LRRC1: variants seen among roughly 807,000 people sequenced by gnomAD.
LRRC1 encodes leucine-rich repeat-containing protein 1.
In LRRC1, 28 loss-of-function variants were observed where a neutral mutation model predicts 69.9. The ratio of observed to expected loss-of-function variants is 0.40; its 90% CI spans 0.30 to 0.55. The LOEUF (loss-of-function observed/expected upper bound fraction) is 0.55, where lower values mean the gene tolerates loss of function less well. Ranked by LOEUF, LRRC1 falls within the 20% of genes least tolerant of loss-of-function variation. The probability of loss-of-function intolerance (pLI) is 0.47; values close to 1 mark genes in which losing one functional copy is unlikely to be tolerated. For synonymous variants in LRRC1, 236 were observed against 240.2 expected, an observed-to-expected ratio of 0.98 and a Z score of 0.16; for missense variants, 498 against 609.0, an observed-to-expected ratio of 0.82 and a Z score of 1.92.
chr6:53,846,494 T>C (rs568320253), intron 2 of LRRC1, among the ~76,000 whole-genome samples: 5 of 152,312 alleles, frequency 3.3e-5, no homozygotes, highest in South Asian at 2.1e-4. Flanking sequence ...CGCTGGGCCT[T>C]CTTTTGCGGA....
In LRRC1 at chr6:53,809,013, C is replaced by T. The variant is rs150552737; in HGVS notation, c.159+13598C>T. ...CTACTTTCAGGATGTAACTTAACAG[C>T]TGAATCCTTATATACATACTTAAAG... On this transcript the variant is annotated intron_variant, in intron 1 of 13. Coordinates refer to ENST00000370888, the MANE Select transcript of LRRC1 (RefSeq NM_018214.5). 2.9e-4 allele frequency among the ~76,000 whole-genome samples: 44 copies of T among 152,282 alleles called. No individual in the cohort carries two copies. The East Asian group carries it at 7.9e-3, about 27-fold the overall frequency.
chr6:53,890,348 G>T (rs1562061744), intron 4 of LRRC1, among the ~76,000 whole-genome samples: 1 of 152,170 alleles, frequency 6.6e-6, no homozygotes, highest in Non-Finnish European at 1.5e-5. Context: ...ATTATTACAA[G>T]TTGCTGATAG....
At chr6:53,816,569 A>G (rs1255596594) in intron 1 of LRRC1, among the ~76,000 whole-genome samples, 1 of 152,174 alleles carries the variant, frequency 6.6e-6, no homozygotes, top group African/African-American at 2.4e-5. Flanking sequence ...AGTTACCCAA[A>G]TCAAAACAGG....
Position 53,902,614 on chromosome 6 carries a change from A to G in LRRC1, c.788-15A>G. ...ACTAATGAATTTGATAATAATAATCATAATGCTTTTACAGGAAAACTAAAG... is the reference window on the plus strand; with the variant it reads ...ACTAATGAATTTGATAATAATAATCGTAATGCTTTTACAGGAAAACTAAAG... On this transcript the variant is annotated splice_polypyrimidine_tract_variant and intron_variant, in intron 8 of 13. Coordinates refer to ENST00000370888, the MANE Select transcript of LRRC1 (RefSeq NM_018214.5). 1 of 1,448,318 alleles carries G rather than the reference A, an allele frequency of 6.9e-7. No individual in the cohort carries two copies. The highest frequency in any genetic ancestry group is 1.3e-5 in the South Asian group (1 of 79,108). The allele number at this position is 1,448,318 out of a possible 1,614,324, so 89.7% of individuals were successfully genotyped here.
chr6:53,882,280 G>A (rs921205475), intron 3 of LRRC1, among the ~76,000 whole-genome samples: 20 of 152,290 alleles, frequency 1.3e-4, no homozygotes, highest in Middle Eastern at 6.8e-3. Context: ...CCCGGGAGGC[G>A]GAGGTTGCGG....
intron 2 of LRRC1, among the ~76,000 whole-genome samples, chr6:53,866,673 C>T (rs958376451): frequency 6.6e-6 from 1 of 152,070 alleles, no homozygotes; most frequent in Non-Finnish European, 1.5e-5. Flanking sequence ...ATTAGTGCTA[C>T]ATTAAGTAAG....
chr6:53,922,951 A>T lies in LRRC1; in HGVS notation c.*158A>T. ...GCTGCTGTCTCCCAGGAAGTGCCTT[A>T]CTCATCCCGCAACCAGTCAGCGCAC... On this transcript the variant is annotated 3_prime_UTR_variant, in exon 14 of 14. Coordinates refer to ENST00000370888, the MANE Select transcript of LRRC1 (RefSeq NM_018214.5). 1.6e-6 allele frequency: 1 copy of T among 618,310 alleles called. No homozygotes were observed. Among genetic ancestry groups the T allele is most frequent in the Non-Finnish European group, 2.8e-6 (1 of 362,998 alleles). 38.3% of individuals were successfully genotyped at this position (618,310 alleles called of 1,614,324 possible).
intron 2 of LRRC1, among the ~76,000 whole-genome samples, chr6:53,855,504 C>T (rs941265025): frequency 4.6e-5 from 7 of 152,190 alleles, no homozygotes; most frequent in Non-Finnish European, 1.0e-4. Flanking sequence ...TGAAGTCTCT[C>T]TGCAGAGGCC....
At chr6:53,915,728 C>T (rs976412713) in intron 11 of LRRC1, among the ~76,000 whole-genome samples, 16 of 152,144 alleles carry the variant, frequency 1.1e-4, no homozygotes, top group Non-Finnish European at 2.2e-4. Flanking sequence ...ATTAAAAAGT[C>T]GAGTTACATA....
At chr6:53,869,378 A>C (rs1766808313) in intron 2 of LRRC1, among the ~76,000 whole-genome samples, 1 of 151,644 alleles carries the variant, frequency 6.6e-6, no homozygotes, top group Non-Finnish European at 1.5e-5. Context: ...CATTGAGAAG[A>C]TTTTTTTTTC....
chr6:53,864,547 C>T (rs1766634958), intron 2 of LRRC1, among the ~76,000 whole-genome samples: 1 of 152,184 alleles, frequency 6.6e-6, no homozygotes, highest in African/African-American at 2.4e-5. Context: ...TTTCACATGT[C>T]AGCAGAATGA....
intron 1 of LRRC1, among the ~76,000 whole-genome samples, chr6:53,819,388 TAAAG>T (rs1300939947): frequency 6.6e-6 from 1 of 152,122 alleles, no homozygotes; most frequent in Non-Finnish European, 1.5e-5. Flanking sequence ...GAAAAGTACT[TAAAG>T]AAGACGTTAT....
intron 4 of LRRC1, among the ~76,000 whole-genome samples, chr6:53,883,207 C>T (rs1394651860): frequency 2.6e-5 from 4 of 152,086 alleles, no homozygotes; most frequent in Non-Finnish European, 5.9e-5. Flanking sequence ...AGTAAAAACC[C>T]TAAATTGTTT....
At chr6:53,887,380 T>C (rs1329296521) in intron 4 of LRRC1, among the ~76,000 whole-genome samples, 1 of 152,212 alleles carries the variant, frequency 6.6e-6, no homozygotes, top group African/African-American at 2.4e-5. Flanking sequence ...TTTTCCTGCC[T>C]TTGTTGCCAG....
At chr6:53,800,981 TTGA>T (rs1371509852) in intron 1 of LRRC1, among the ~76,000 whole-genome samples, 2 of 152,336 alleles carry the variant, frequency 1.3e-5, no homozygotes, top group East Asian at 3.9e-4. Context: ...CTGTGACATC[TTGA>T]TGACCTTATA....
intron 2 of LRRC1, among the ~76,000 whole-genome samples, chr6:53,844,959 C>G (rs954982652): frequency 6.6e-6 from 1 of 152,176 alleles, no homozygotes; most frequent in African/African-American, 2.4e-5. Flanking sequence ...AATCCCGGCA[C>G]TTTGGGAGGC....
At chr6:53,810,864 C>T (rs1247569665) in intron 1 of LRRC1, among the ~76,000 whole-genome samples, 4 of 152,106 alleles carry the variant, frequency 2.6e-5, no homozygotes, top group Admixed American at 1.3e-4. Context: ...ATGTCAGTGC[C>T]GCCTTCTCTG....
chr6:53,915,598 C>T (rs555597570), intron 11 of LRRC1, among the ~76,000 whole-genome samples: 11 of 152,196 alleles, frequency 7.2e-5, no homozygotes, highest in African/African-American at 2.2e-4. Context: ...ATTCTTGAGC[C>T]GAAAGATGGC....
chr6:53,826,078 A>G (rs1311439773), intron 1 of LRRC1, among the ~76,000 whole-genome samples: 1 of 151,618 alleles, frequency 6.6e-6, no homozygotes, highest in Non-Finnish European at 1.5e-5. Context: ...TAGTGTGTCT[A>G]GAAAGAACAC....
Sources: allele counts gnomAD v4.1 joint callset (sites outside exome capture counted in the v4.1 genomes callset), GRCh38; gene constraint gnomAD v4.1.1; transcripts MANE v1.5; gene names NCBI Gene and HGNC (gene_info 2026-07-23, HGNC 2026-07-21).